RCC2: variants seen among roughly 807,000 people sequenced by gnomAD.
The protein encoded by RCC2 is protein RCC2.
RCC2 carries 19 observed loss-of-function variants against 64.1 expected under a neutral mutation model. That is an observed-to-expected ratio of 0.30 (90% CI 0.21 to 0.44). RCC2 has a LOEUF of 0.44. Ranked by LOEUF, RCC2 falls within the 20% of genes least tolerant of loss-of-function variation. RCC2 has a pLI of 1.00. For missense variants in RCC2, 508 were observed against 710.4 expected, an observed-to-expected ratio of 0.72 and a Z score of 3.24; for synonymous variants, 325 against 279.6, an observed-to-expected ratio of 1.16 and a Z score of -1.62.
intron 7 of RCC2, among the ~76,000 whole-genome samples, chr1:17,419,675 T>TAA (rs1387978268): frequency 1.1e-4 from 16 of 152,320 alleles, no homozygotes; most frequent in African/African-American, 3.8e-4. Flanking sequence ...TGAGCCGTTT[T>TAA]TATCACCAAC....
At chr1:17,437,660 G>A (rs921434469) in intron 2 of RCC2, among the ~76,000 whole-genome samples, 12 of 3,500 alleles carry the variant, frequency 3.4e-3, no homozygotes, top group South Asian at 0.1. Context: ...GACCTCGGGG[G>A]AGGGCTCTGC....
intron 2 of RCC2, among the ~76,000 whole-genome samples, chr1:17,434,016 C>T (rs2075711106): frequency 6.6e-6 from 1 of 152,184 alleles, no homozygotes; most frequent in South Asian, 2.1e-4. Flanking sequence ...AAGACCTGGG[C>T]AGCTTGCAAC....
At chr1:17,422,174 C>A in intron 6 of RCC2, 29 bp downstream of exon 6, 1 of 1,503,926 alleles carries the variant, frequency 6.6e-7, no homozygotes, top group Non-Finnish European at 9.1e-7. Context: ...AAACAAAAAG[C>A]CATGGAGCCG....
intron 2 of RCC2, among the ~76,000 whole-genome samples, chr1:17,436,976 A>C (rs374348137): frequency 6.6e-6 from 1 of 152,164 alleles, no homozygotes; most frequent in Admixed American, 6.5e-5. Context: ...ACAGCTTTTG[A>C]CGGGCTCTCC....
At chr1:17,413,265 G>A (rs1462979167) in intron 9 of RCC2, 87 bp from the exon 10 acceptor site, 19 of 1,032,082 alleles carry the variant, frequency 1.8e-5, no homozygotes, top group Admixed American at 7.9e-5. Context: ...AAAAGAGGAC[G>A]GGATGGCAAA....
In RCC2 at chr1:17,438,436, T is replaced by C; in HGVS notation, c.79A>G (p.Lys27Glu). 7.8e-7 allele frequency: 1 copy of C among 1,286,972 alleles called. No homozygotes were observed. The highest frequency in any genetic ancestry group is 2.6e-5 in the South Asian group (1 of 39,050). The allele number at this position is 1,286,972 out of a possible 1,614,324, so 79.7% of individuals were successfully genotyped here. The change falls in exon 2 of 13, where the codon AAA becomes GAA. Residue 27 changes from lysine to glutamate, a missense_variant. By Grantham distance (56) the Lys-to-Glu change is moderately conservative. Transcript: ENST00000375436. ...TTCCTGCCCGCCGGGCCGCCGCGTT[T>C]CCTGGGCCCGGCGCGGGCAGTGCCG... ...GNGTARAGPRKRGGPAGRKRE... is the reference protein window; with the variant it reads ...GNGTARAGPRERGGPAGRKRE...
At chr1:17,423,923 C>T (rs1361053377) in intron 4 of RCC2, among the ~76,000 whole-genome samples, 5 of 152,192 alleles carry the variant, frequency 3.3e-5, no homozygotes, top group Admixed American at 6.5e-5. Context: ...GAAGGAATTG[C>T]GACGAAGGGA....
chr1:17,422,929 G>A, intron 4 of RCC2, 93 bp from the exon 5 acceptor site: 1 of 1,493,496 alleles, frequency 6.7e-7, no homozygotes, highest in Non-Finnish European at 9.3e-7. Context: ...CTCAAATGAT[G>A]CCCATCTGTC....
intron 3 of RCC2, 150 bp from the exon 4 acceptor site, chr1:17,425,834 A>G (rs2075609711): frequency 2.6e-6 from 2 of 763,862 alleles, no homozygotes; most frequent in Non-Finnish European, 4.2e-6. Flanking sequence ...GAGGCTGCAC[A>G]AGGATCGGGT....
chr1:17,419,802 G>A (rs2075531569), intron 7 of RCC2, among the ~76,000 whole-genome samples: 1 of 152,186 alleles, frequency 6.6e-6, no homozygotes, highest in Admixed American at 6.5e-5. Context: ...CAGCAGGGCT[G>A]TGGCCATGGA....
At chr1:17,412,573 C>T (rs757859078) in intron 10 of RCC2, among the ~76,000 whole-genome samples, 2 of 152,184 alleles carry the variant, frequency 1.3e-5, no homozygotes, top group Non-Finnish European at 2.9e-5. Flanking sequence ...CTAGAGCCTT[C>T]AACAGATTAA....
At chr1:17,428,969 CT>C in intron 3 of RCC2, 136 bp downstream of exon 3, 1 of 694,820 alleles carries the variant, frequency 1.4e-6, no homozygotes, top group Admixed American at 2.3e-5. Context: ...ACTACAGTGG[CT>C]GTGTGGCCTC....
intron 4 of RCC2, 69 bp downstream of exon 4, chr1:17,425,470 CAG>C: frequency 7.0e-7 from 1 of 1,435,972 alleles, no homozygotes; most frequent in Non-Finnish European, 9.3e-7. Context: ...TCCAGGCAAA[CAG>C]AAGAACGTGC....
At position 17,425,667 on chromosome 1, in the gene RCC2, C is replaced by T. The variant is rs1379491298; in HGVS notation, c.397G>A (p.Gly133Ser). ...PKQQAAYRNL[G>S]QNLWGPHRYG... ...CTGTGGGGCCCCCACAAATTCTGAC[C>T]GAGATTGCGGTAAGCAGCTGCAGAG... The change falls in exon 4 of 13, where the codon GGT (glycine) becomes AGT (serine). Residue 133 changes from glycine (G) to serine (S), a missense_variant. Coordinates refer to ENST00000375436, the MANE Select transcript of RCC2 (RefSeq NM_018715.4). 1 of 1,612,428 alleles carries T rather than the reference C, an allele frequency of 6.2e-7. No individual in the cohort carries two copies.
intron 3 of RCC2, among the ~76,000 whole-genome samples, chr1:17,427,942 TCA>T (rs1338426067): frequency 6.6e-6 from 1 of 152,150 alleles, no homozygotes; most frequent in Admixed American, 6.5e-5. Flanking sequence ...CTGGTCCCAA[TCA>T]CAGAGCTACT....
Position 17,421,483 on chromosome 1 carries a change from G to A in RCC2, c.745-655C>T, listed in dbSNP as rs144823760. Among the ~76,000 whole-genome samples, 1,042 of 151,026 alleles carry A rather than the reference G, an allele frequency of 6.9e-3. 8 individuals are homozygous for A. Among genetic ancestry groups the A allele is most frequent in the Non-Finnish European group, 0.012 (822 of 67,818 alleles). On this transcript the variant is annotated intron_variant, in intron 6 of 12. Coordinates refer to ENST00000375436, the MANE Select transcript of RCC2 (RefSeq NM_018715.4). The stretch of plus-strand genomic sequence containing the variant: ...GCACTCTAGCCTGGCAACAGAGCGA[G>A]ACTCTGTCTCCCCTCCAAAAAAAAA...
Position 17,437,556 on chromosome 1 carries a change from G to C in RCC2, c.285+674C>G, listed in dbSNP as rs989989042. ...ACCCTAGGAGATGCTTCTTCACTTG[G>C]GGGGGCTACAACAGAGCCCTCGCGA... is the stretch of plus-strand genomic sequence containing the variant. On this transcript the variant is annotated intron_variant, in intron 2 of 12. Coordinates refer to ENST00000375436, the MANE Select transcript of RCC2 (RefSeq NM_018715.4). Among the ~76,000 whole-genome samples, 31 of 152,076 alleles carry C rather than the reference G, an allele frequency of 2.0e-4. 1 individual carries two copies. The highest frequency in any genetic ancestry group is 4.3e-4 in the Non-Finnish European group (29 of 67,972).
intron 7 of RCC2, among the ~76,000 whole-genome samples, chr1:17,419,498 A>G (rs2075526681): frequency 1.3e-5 from 2 of 152,246 alleles, no homozygotes; most frequent in African/African-American, 4.8e-5. Flanking sequence ...GGACAACGAA[A>G]CAAACACCTG....
chr1:17,419,539 C>T (rs1012613605), intron 7 of RCC2, among the ~76,000 whole-genome samples: 6 of 152,320 alleles, frequency 3.9e-5, no homozygotes, highest in Non-Finnish European at 7.4e-5. Flanking sequence ...TGAGAATAAG[C>T]GATTCTGTAG....
Sources: allele counts gnomAD v4.1 joint callset (sites outside exome capture counted in the v4.1 genomes callset), GRCh38; gene constraint gnomAD v4.1.1; transcripts MANE v1.5; gene names NCBI Gene and HGNC (gene_info 2026-07-23, HGNC 2026-07-21).